The following WDR93 variants were observed in gnomAD, a reference collection of about 807,000 sequenced individuals.
WDR93 encodes WD repeat domain 93, also known as WD repeat-containing protein 93.
A neutral mutation model predicts 82.9 loss-of-function variants in WDR93; 73 were observed. The ratio of observed to expected loss-of-function variants is 0.88; its 90% CI spans 0.73 to 1.07. WDR93 has a LOEUF of 1.07. Among genes scored for constraint, WDR93 ranks in the 50% least tolerant of loss-of-function variants. The pLI is 0.00. For synonymous variants in WDR93, 283 were observed against 300.1 expected, an observed-to-expected ratio of 0.94 and a Z score of 0.59; for missense variants, 738 against 826.0, an observed-to-expected ratio of 0.89 and a Z score of 1.31.
At chr15:89,724,018 C>T (rs1039609378) in intron 8 of WDR93, among the ~76,000 whole-genome samples, 2 of 151,992 alleles carry the variant, frequency 1.3e-5, no homozygotes, top group Admixed American at 1.3e-4. Context: ...GCCAACATGG[C>T]GAAACCCCGT....
chr15:89,697,140 G>A (rs1965219820), intron 1 of WDR93, among the ~76,000 whole-genome samples: 1 of 151,928 alleles, frequency 6.6e-6, no homozygotes, highest in Non-Finnish European at 1.5e-5. Context: ...AAAATTCCTT[G>A]TAGAGATGGG....
chr15:89,699,204 T>A (rs181832160), intron 1 of WDR93, among the ~76,000 whole-genome samples: 1 of 152,226 alleles, frequency 6.6e-6, no homozygotes, highest in East Asian at 1.9e-4. Flanking sequence ...TAATGCTAGC[T>A]TGTTGATGAT....
At chr15:89,735,704 A>G in intron 14 of WDR93, 151 bp downstream of exon 14, 3 of 760,146 alleles carry the variant, frequency 3.9e-6, no homozygotes, top group South Asian at 1.8e-5. Context: ...AAAGAGAAAG[A>G]ACCTGCCTTC....
chr15:89,703,146 T>G lies in WDR93; in HGVS notation c.496+4T>G, dbSNP rs781020217. 4 of 1,614,104 alleles carry G rather than the reference T, an allele frequency of 2.5e-6. No homozygotes were observed. The highest frequency in any genetic ancestry group is 3.3e-4 in the Middle Eastern group (2 of 6,062). On this transcript the variant is annotated splice_donor_region_variant and intron_variant, in intron 3 of 16. Transcript: ENST00000268130. Reference sequence around the variant, plus strand: ...ATTGCTCCTGTGGATGAAATGGGTATTGTTCTTCATCTTCCTTTTTAGCCT... The same window carrying G: ...ATTGCTCCTGTGGATGAAATGGGTAGTGTTCTTCATCTTCCTTTTTAGCCT...
intron 9 of WDR93, among the ~76,000 whole-genome samples, chr15:89,728,110 C>T (rs1966810770): frequency 6.6e-6 from 1 of 152,026 alleles, no homozygotes; most frequent in South Asian, 2.1e-4. Context: ...TAATAAAAAA[C>T]ACAGAAGATC....
At position 89,732,188 on chromosome 15, in the gene WDR93, G is replaced by T. The variant is rs141703260; in HGVS notation, c.1330+626G>T. Among the ~76,000 whole-genome samples, 612 of 152,278 alleles carry T rather than the reference G, an allele frequency of 4.0e-3. 4 individuals carry two copies. The highest frequency in any genetic ancestry group is 0.014 in the African/African-American group (572 of 41,550). ...TGTTAAAGGCCAGTAATGACTCAGT[G>T]GTTTGCCATTTTGCAGTTGGAGATG... On this transcript the variant is annotated intron_variant, in intron 12 of 16. Coordinates refer to ENST00000268130, the MANE Select transcript of WDR93 (RefSeq NM_020212.2).
At chr15:89,703,308 C>G (rs932176296) in intron 3 of WDR93, 166 bp downstream of exon 3, 3 of 716,110 alleles carry the variant, frequency 4.2e-6, no homozygotes, top group Non-Finnish European at 6.9e-6. Context: ...AGATACTGTT[C>G]TACCATTTCA....
At chr15:89,706,426 G>A (rs1299828799) in intron 4 of WDR93, among the ~76,000 whole-genome samples, 1 of 151,734 alleles carries the variant, frequency 6.6e-6, no homozygotes, top group Non-Finnish European at 1.5e-5. Context: ...CCAAAGTACT[G>A]GGATTACAGG....
chr15:89,735,785 G>A (rs911188368), intron 14 of WDR93, among the ~76,000 whole-genome samples: 2 of 152,228 alleles, frequency 1.3e-5, no homozygotes, highest in African/African-American at 4.8e-5. Flanking sequence ...GAGAAAGGCT[G>A]TGATAGGGAT....
intron 13 of WDR93, among the ~76,000 whole-genome samples, chr15:89,733,806 A>G (rs1419566609): frequency 6.6e-6 from 1 of 152,144 alleles, no homozygotes; most frequent in Non-Finnish European, 1.5e-5. Flanking sequence ...CCTTTGCTTT[A>G]TACATTATCC....
chr15:89,701,731 AG>A lies in WDR93; in HGVS notation c.-15del. On this transcript the variant is annotated 5_prime_UTR_variant, in exon 2 of 17. It adds an upstream start codon to the 5' untranslated region. Coordinates refer to ENST00000268130, the MANE Select transcript of WDR93 (RefSeq NM_020212.2). ...GCTTTTCAGTTTCATAGAGGTTCCC[AG>A]TGCCACCTTCTGTGATGTCATTCCC... is the stretch of plus-strand genomic sequence containing the variant. The A allele has an allele frequency of 6.2e-7, 1 of 1,600,604 alleles. No individual in the cohort carries two copies. Among genetic ancestry groups the A allele is most frequent in the South Asian group, 1.1e-5 (1 of 90,288 alleles).
chr15:89,740,857 T>C (rs528128149), intron 16 of WDR93, among the ~76,000 whole-genome samples: 3 of 150,812 alleles, frequency 2.0e-5, no homozygotes, highest in African/African-American at 7.3e-5. Flanking sequence ...AGTGTTAAAT[T>C]GGCCGGGCGC....
intron 1 of WDR93, among the ~76,000 whole-genome samples, chr15:89,692,358 TC>T (rs1346272752): frequency 6.6e-6 from 1 of 152,208 alleles, no homozygotes; most frequent in African/African-American, 2.4e-5. Flanking sequence ...CATGGGTTAC[TC>T]ATTTTTTGTA....
At chr15:89,724,235 G>T (rs11635856) in intron 8 of WDR93, among the ~76,000 whole-genome samples, 64,887 of 151,666 alleles carry the variant, frequency 0.43, 14,431 homozygotes, top group African/African-American at 0.49. Context: ...CCAGCTACTT[G>T]GGAGGTTAAA....
intron 8 of WDR93, among the ~76,000 whole-genome samples, chr15:89,726,887 A>C (rs899116671): frequency 6.6e-6 from 1 of 152,170 alleles, no homozygotes; most frequent in Non-Finnish European, 1.5e-5. Flanking sequence ...TGGCCTTTGC[A>C]AATATTCTGT....
chr15:89,697,949 G>A (rs544281752), intron 1 of WDR93, among the ~76,000 whole-genome samples: 7 of 148,272 alleles, frequency 4.7e-5, no homozygotes, highest in Non-Finnish European at 8.9e-5. Flanking sequence ...GTGCAATCTC[G>A]GCTCACTGCA....
At chr15:89,733,255 G>A in intron 13 of WDR93, 36 bp downstream of exon 13, 1 of 1,581,982 alleles carries the variant, frequency 6.3e-7, no homozygotes, top group Non-Finnish European at 8.6e-7. Context: ...GTAAATAATT[G>A]GCCAGATTAT....
At chr15:89,690,692 G>C (rs1964821987), upstream of WDR93, 1 of 1,256,748 alleles carries the variant, frequency 8.0e-7, no homozygotes, top group Non-Finnish European at 1.1e-6. Flanking sequence ...TCTGGGGCCC[G>C]TCGGATCCCC....
chr15:89,706,895 A>G (rs959945493), intron 4 of WDR93, among the ~76,000 whole-genome samples: 1 of 152,206 alleles, frequency 6.6e-6, no homozygotes, highest in African/African-American at 2.4e-5. Flanking sequence ...AGGCAAAGAT[A>G]TTTTAGCCAC....
Sources: gnomAD v4.1 joint callset for allele counts (sites outside exome capture counted in the v4.1 genomes callset) on GRCh38, gnomAD v4.1.1 for gene constraint, MANE v1.5 for transcripts, NCBI Gene and HGNC (gene_info 2026-07-23, HGNC 2026-07-21) for gene names.